Variants in SOX5 observed in about 807,000 individuals in gnomAD.
The protein encoded by SOX5 is SRY-box transcription factor 5, also known as transcription factor SOX-5.
SOX5 carries 9 observed loss-of-function variants against 92.0 expected under a neutral mutation model. The ratio of observed to expected loss-of-function variants is 0.10; its 90% CI spans 0.06 to 0.17. The LOEUF (loss-of-function observed/expected upper bound fraction) is 0.17, where lower values mean the gene tolerates loss of function less well. SOX5 is among the 10% of genes least tolerant of loss of function. The pLI is 1.00. For synonymous variants in SOX5, 344 were observed against 336.3 expected (o/e 1.02, Z -0.25); for missense variants, 642 against 944.5 (o/e 0.68, Z 4.20).
At chr12:23,702,324 T>G (rs1319480612) in intron 6 of SOX5, among the ~76,000 whole-genome samples, 1 of 152,106 alleles carries the variant, frequency 6.6e-6, no homozygotes, top group Non-Finnish European at 1.5e-5. Flanking sequence ...AAGTATATAT[T>G]CATTTCTAGG....
rs1453744578 is a variant in SOX5, at chr12:24,117,433, T to C, written c.-2+95910A>G. Among the ~76,000 whole-genome samples, 4 of 143,754 alleles carry C rather than the reference T, an allele frequency of 2.8e-5. No individual in the cohort carries two copies. In the East Asian group the frequency reaches 6.6e-4, roughly 24 times the overall value. The allele number at this position is 143,754 out of a possible 152,430, so 94.3% of individuals were successfully genotyped here. ...TCAAAAAAACTAAAAATAGATTTAC[T>C]ATATGATCTAGCAATCCCACTTCTG... On this transcript the variant is annotated intron_variant, in intron 4 of 4. Coordinates refer to the SOX5 transcript ENST00000446891.
At chr12:23,631,411 G>A (rs563366454) in intron 8 of SOX5, among the ~76,000 whole-genome samples, 85 of 152,046 alleles carry the variant, frequency 5.6e-4, no homozygotes, top group Middle Eastern at 3.4e-3. Flanking sequence ...CTTATCCACA[G>A]CCAAAACTAG....
At chr12:24,247,012 C>T (rs1033728136) in intron 3 of SOX5, among the ~76,000 whole-genome samples, 2 of 151,976 alleles carry the variant, frequency 1.3e-5, no homozygotes, top group Admixed American at 1.3e-4. Context: ...AAAAAAGAAA[C>T]AAAAGCAAGC....
At chr12:23,929,679 T>G (rs942233882) in intron 1 of SOX5, among the ~76,000 whole-genome samples, 7 of 151,976 alleles carry the variant, frequency 4.6e-5, no homozygotes, top group Non-Finnish European at 1.0e-4. Context: ...TACATCAATA[T>G]AATCTATACT....
At chr12:23,570,537 G>T (rs967117641) in intron 10 of SOX5, among the ~76,000 whole-genome samples, 9 of 151,936 alleles carry the variant, frequency 5.9e-5, no homozygotes, top group Non-Finnish European at 8.8e-5. Context: ...CAGCACTTTG[G>T]GGGGCTGACG....
intron 1 of SOX5, among the ~76,000 whole-genome samples, chr12:24,514,623 A>T (rs1949613165): frequency 6.6e-6 from 1 of 152,224 alleles, no homozygotes; most frequent in African/African-American, 2.4e-5. Flanking sequence ...TTGCAGCACT[A>T]TTCACAATAA....
At position 23,534,154 on chromosome 12, in the gene SOX5, C is replaced by T. The variant is rs1939662666; in HGVS notation, c.*65G>A. 2.2e-6 allele frequency: 3 copies of T among 1,374,748 alleles called. No individual in the cohort carries two copies. The African/African-American group carries it at 4.3e-5, about 20-fold the overall frequency. 85.2% of individuals were successfully genotyped at this position (1,374,748 alleles called of 1,614,324 possible). On this transcript the variant is annotated 3_prime_UTR_variant, in exon 15 of 15. Transcript: ENST00000451604. ...ATGAGAAAGTTAATGTGCTTGGCCA[C>T]TGGTAAGGATGAACCAGTTAGGGCT...
intron 2 of SOX5, among the ~76,000 whole-genome samples, chr12:24,301,417 A>G (rs896823278): frequency 7.2e-5 from 11 of 152,336 alleles, no homozygotes; most frequent in South Asian, 6.2e-4. Flanking sequence ...TCCTTATGAT[A>G]TACTACATAT....
chr12:24,539,148 A>G (rs892574406), intron 1 of SOX5, among the ~76,000 whole-genome samples: 2 of 152,186 alleles, frequency 1.3e-5, no homozygotes, highest in Admixed American at 6.5e-5. Flanking sequence ...TTTCATTAAT[A>G]TAAACCAACG....
intron 2 of SOX5, among the ~76,000 whole-genome samples, chr12:23,880,583 C>T (rs949484179): frequency 6.6e-6 from 1 of 152,178 alleles, no homozygotes; most frequent in African/African-American, 2.4e-5. Context: ...TTCTCCCTCT[C>T]TATCTCCCCT....
At chr12:23,869,740 TTG>T (rs1309606798) in intron 2 of SOX5, among the ~76,000 whole-genome samples, 2 of 152,132 alleles carry the variant, frequency 1.3e-5, no homozygotes, top group Non-Finnish European at 1.5e-5. Flanking sequence ...CAGACCACAT[TTG>T]TGAGTAGTAC....
At chr12:24,401,669 C>T (rs1389335847) in intron 1 of SOX5, among the ~76,000 whole-genome samples, 2 of 137,684 alleles carry the variant, frequency 1.5e-5, no homozygotes, top group African/African-American at 5.5e-5. Context: ...AATTGAGCCA[C>T]TTCGCTCCAG....
chr12:23,902,510 C>T (rs1290721539), intron 1 of SOX5, among the ~76,000 whole-genome samples: 1 of 152,130 alleles, frequency 6.6e-6, no homozygotes, highest in Admixed American at 6.5e-5. Context: ...CTTCCTACCA[C>T]CATGGCAGAA....
At chr12:24,035,994 G>A (rs1366936029) in intron 4 of SOX5, among the ~76,000 whole-genome samples, 4 of 151,960 alleles carry the variant, frequency 2.6e-5, no homozygotes, top group African/African-American at 9.7e-5. Context: ...GTGTGTGGGT[G>A]TTTTTTTCAT....
intron 8 of SOX5, among the ~76,000 whole-genome samples, chr12:23,615,447 G>A (rs1307553855): frequency 6.6e-6 from 1 of 151,856 alleles, no homozygotes; most frequent in Non-Finnish European, 1.5e-5. Context: ...TTGTCACCCA[G>A]ATATTAAGCC....
intron 4 of SOX5, among the ~76,000 whole-genome samples, chr12:24,022,640 G>T (rs755041195): frequency 1.1e-4 from 16 of 152,060 alleles, no homozygotes; most frequent in Non-Finnish European, 1.9e-4. Context: ...GTGGCACCTT[G>T]CTCCCAAGGA....
chr12:24,513,353 A>T (rs1192167214), intron 1 of SOX5, among the ~76,000 whole-genome samples: 2 of 152,222 alleles, frequency 1.3e-5, no homozygotes, highest in African/African-American at 4.8e-5. Flanking sequence ...GTACTTGGGA[A>T]TCCAACGTAG....
intron 1 of SOX5, among the ~76,000 whole-genome samples, chr12:24,521,909 C>A (rs1031402170): frequency 1.1e-4 from 16 of 150,746 alleles, no homozygotes; most frequent in African/African-American, 3.9e-4. Flanking sequence ...AATGTAAAAC[C>A]AAGCCCAAAG....
chr12:24,063,820 G>A (rs916318543), intron 4 of SOX5, among the ~76,000 whole-genome samples: 7 of 152,144 alleles, frequency 4.6e-5, no homozygotes, highest in East Asian at 1.9e-4. Context: ...TGCTCTGTAC[G>A]TTTAGCCTAC....
Sources: gnomAD v4.1 joint callset for allele counts (sites outside exome capture counted in the v4.1 genomes callset) on GRCh38, gnomAD v4.1.1 for gene constraint, MANE v1.5 for transcripts, NCBI Gene and HGNC (gene_info 2026-07-23, HGNC 2026-07-21) for gene names.